ZNF503: variants seen among roughly 807,000 people sequenced by gnomAD.
ZNF503 encodes the protein zinc finger protein 503, also known as NocA-like zinc finger 2.
ZNF503 carries 15 observed loss-of-function variants against 34.4 expected under a neutral mutation model. The observed-to-expected ratio is 0.44, with a 90% confidence interval of 0.29 to 0.67. The LOEUF is 0.67. Among genes scored for constraint, ZNF503 ranks in the 30% least tolerant of loss-of-function variants. The pLI is 0.13. For missense variants in ZNF503, 1,007 were observed against 926.8 expected (o/e 1.09, Z -1.12); for synonymous variants, 580 against 456.8 (o/e 1.27, Z -3.44).
chr10:75,333,937 A>G, the ZNF503 span, among the ~76,000 whole-genome samples: 9,561 of 45,636 alleles, frequency 0.21, 1,372 homozygotes, highest in Middle Eastern at 0.3. Context: ...ATCTCAGACG[A>G]TGGGCGGCCC....
intron 1 of ZNF503, 105 bp from the exon 2 acceptor site, chr10:75,400,479 G>C: frequency 3.0e-5 from 43 of 1,447,800 alleles, no homozygotes; most frequent in Non-Finnish European, 3.7e-5. Flanking sequence ...AACAGCCCAC[G>C]AAGATCCTCC....
the ZNF503 span, among the ~76,000 whole-genome samples, chr10:75,351,734 C>A: frequency 7.2e-5 from 11 of 152,252 alleles, no homozygotes; most frequent in South Asian, 1.7e-3. Context: ...CTCTACTATT[C>A]ATGAGCCTCT....
In ZNF503 at chr10:75,401,256, G is replaced by T. The variant is rs752804558; in HGVS notation, c.164C>A (p.Pro55His). Residue 55 changes from proline (P) to histidine (H), a missense_variant, in exon 1 of 2, where the codon CCT becomes CAT. By Grantham distance (77) the Pro-to-His change is moderately conservative. Transcript: ENST00000372524. ...AGAGGGGGGCACGGCGTGCACAAAA[G>T]GCTTGGTGCTGCCGGCCGGGGACGA... is the stretch of plus-strand genomic sequence containing the variant. ...PGSSPAGSTKPFVHAVPPSDP... is the reference protein window; with the variant it reads ...PGSSPAGSTKHFVHAVPPSDP... 1.2e-6 allele frequency: 2 copies of T among 1,604,372 alleles called. No homozygotes were observed. Among genetic ancestry groups the T allele is most frequent in the East Asian group, 2.2e-5 (1 of 44,488 alleles).
Position 75,397,855 on chromosome 10 carries a change from A to C in ZNF503, c.*894T>G, listed in dbSNP as rs1421641953. 1 of 152,698 alleles carries C rather than the reference A, an allele frequency of 6.5e-6. No individual in the cohort carries two copies. The highest frequency in any genetic ancestry group is 2.4e-5 in the African/African-American group (1 of 41,468). The allele number at this position is 152,698 out of a possible 1,614,324, so 9.5% of individuals were successfully genotyped here. A position where few individuals can be genotyped will look rare whatever the true frequency, so the allele number is the denominator to read the frequency against. ...AAGAAGTAAAACCCTTTAATACATC[A>C]AATATACGGAATTTTAATCTTTAAA... is the stretch of plus-strand genomic sequence containing the variant. On this transcript the variant is annotated 3_prime_UTR_variant, in exon 2 of 2. Coordinates refer to ENST00000372524, the MANE Select transcript of ZNF503 (RefSeq NM_032772.6).
the ZNF503 span, among the ~76,000 whole-genome samples, chr10:75,318,878 C>T: frequency 2.7e-5 from 4 of 147,770 alleles, no homozygotes; most frequent in Non-Finnish European, 4.4e-5. Flanking sequence ...TTCCTTCCTC[C>T]CTTTCTTCCT....
chr10:75,385,969 G>A, the ZNF503 span, among the ~76,000 whole-genome samples: 1 of 152,120 alleles, frequency 6.6e-6, no homozygotes, highest in Non-Finnish European at 1.5e-5. Context: ...CGCAATGCAG[G>A]CATCAGAAAC....
At chr10:75,365,888 A>G in the ZNF503 span, among the ~76,000 whole-genome samples, 1 of 152,186 alleles carries the variant, frequency 6.6e-6, no homozygotes, top group African/African-American at 2.4e-5. Flanking sequence ...TGATTAACCA[A>G]TGAAGGGTGG....
chr10:75,316,243 C>T, the ZNF503 span, among the ~76,000 whole-genome samples: 1 of 152,204 alleles, frequency 6.6e-6, no homozygotes, highest in Non-Finnish European at 1.5e-5. Context: ...ATATTCAGAA[C>T]CTTCTATCCA....
the ZNF503 span, among the ~76,000 whole-genome samples, chr10:75,375,442 T>C: frequency 6.6e-6 from 1 of 152,166 alleles, no homozygotes; most frequent in African/African-American, 2.4e-5. Flanking sequence ...CATATGTAAA[T>C]ATAAGTTATA....
At chr10:75,366,070 G>C in the ZNF503 span, among the ~76,000 whole-genome samples, 2 of 152,204 alleles carry the variant, frequency 1.3e-5, no homozygotes, top group Non-Finnish European at 2.9e-5. Flanking sequence ...TCAGTTAGTA[G>C]GTGACAAGGA....
chr10:75,295,179 G>A, the ZNF503 span, among the ~76,000 whole-genome samples: 1 of 151,922 alleles, frequency 6.6e-6, no homozygotes, highest in African/African-American at 2.4e-5. This position sits in a 1 kb window ranked among gnomAD's most constrained non-coding sequence, Gnocchi z 4.0. Flanking sequence ...CCGACTCGGG[G>A]GGCAGGCGGC....
chr10:75,355,256 C>T, the ZNF503 span, among the ~76,000 whole-genome samples: 1 of 152,168 alleles, frequency 6.6e-6, no homozygotes, highest in African/African-American at 2.4e-5. Flanking sequence ...TCTTCCTTCC[C>T]CTCCTTAAAT....
the ZNF503 span, among the ~76,000 whole-genome samples, chr10:75,285,464 C>T: frequency 1.3e-5 from 2 of 152,238 alleles, no homozygotes; most frequent in African/African-American, 4.8e-5. Context: ...CCCTCCCACT[C>T]AGCCTCCATG....
chr10:75,300,947 A>AC, the ZNF503 span, among the ~76,000 whole-genome samples: 7 of 148,158 alleles, frequency 4.7e-5, no homozygotes, highest in African/African-American at 1.5e-4. Flanking sequence ...CTCATGATCC[A>AC]CCCCCCTGGG....
At chr10:75,284,403 C>G in the ZNF503 span, among the ~76,000 whole-genome samples, 1 of 134,834 alleles carries the variant, frequency 7.4e-6, no homozygotes, top group African/African-American at 3.0e-5. Flanking sequence ...GAGGGTTGCT[C>G]TGGAGAGTGG....
the ZNF503 span, among the ~76,000 whole-genome samples, chr10:75,299,601 G>C: frequency 1.1e-4 from 17 of 151,992 alleles, no homozygotes; most frequent in Non-Finnish European, 2.9e-5. Context: ...GCCAGATATC[G>C]GGCAAAATTC....
At chr10:75,385,758 A>G in the ZNF503 span, among the ~76,000 whole-genome samples, 1 of 152,236 alleles carries the variant, frequency 6.6e-6, no homozygotes, top group African/African-American at 2.4e-5. Flanking sequence ...GGGATGGGAT[A>G]TATTGGTGGC....
At chr10:75,315,076 A>G in the ZNF503 span, among the ~76,000 whole-genome samples, 1 of 152,182 alleles carries the variant, frequency 6.6e-6, no homozygotes, top group Admixed American at 6.5e-5. Context: ...AAAAATAACT[A>G]TAGCTGGGCA....
chr10:75,388,389 C>G, the ZNF503 span, among the ~76,000 whole-genome samples: 1 of 152,208 alleles, frequency 6.6e-6, no homozygotes, highest in South Asian at 2.1e-4. Context: ...GAGATGTGCA[C>G]ATATGGCTGT....
Sources: gnomAD v4.1 joint callset for allele counts (sites outside exome capture counted in the v4.1 genomes callset) on GRCh38, gnomAD v4.1.1 for gene constraint, Gnocchi (gnomAD v3.1) non-coding constraint, MANE v1.5 for transcripts, NCBI Gene and HGNC (gene_info 2026-07-23, HGNC 2026-07-21) for gene names.